The following RARA variants were observed in gnomAD, a reference collection of about 807,000 sequenced individuals.
The protein encoded by RARA is PML-DDX5-RARA fusion.
Under a neutral mutation model 42.8 loss-of-function variants are expected in RARA, and 5 were observed. That is an observed-to-expected ratio of 0.12 (90% CI 0.06 to 0.25). The LOEUF is 0.25. RARA is among the 10% of genes least tolerant of loss of function. RARA has a pLI of 1.00. For missense variants in RARA, 402 were observed against 628.7 expected (o/e 0.64, Z 3.86); for synonymous variants, 256 against 259.5 (o/e 0.99, Z 0.13).
intron 1 of RARA, among the ~76,000 whole-genome samples, chr17:40,325,916 G>A (rs1233628394): frequency 6.6e-6 from 1 of 152,198 alleles, no homozygotes; most frequent in Non-Finnish European, 1.5e-5. Context: ...CTGCTCTTCT[G>A]TCCTGAGTAT....
At chr17:40,344,796 G>T (rs1467616238) in intron 2 of RARA, among the ~76,000 whole-genome samples, 1 of 152,180 alleles carries the variant, frequency 6.6e-6, no homozygotes, top group Non-Finnish European at 1.5e-5. Flanking sequence ...GGAGTGATGG[G>T]GGTCTGGGGG....
intron 1 of RARA, among the ~76,000 whole-genome samples, chr17:40,315,624 T>G (rs1310424153): frequency 6.6e-6 from 1 of 152,094 alleles, no homozygotes; most frequent in Non-Finnish European, 1.5e-5. Context: ...TCATCATCTC[T>G]TCGGAGTATC....
intron 2 of RARA, chr17:40,342,972 T>G: frequency 6.7e-7 from 1 of 1,486,304 alleles, no homozygotes; most frequent in Non-Finnish European, 8.9e-7. Context: ...GGAGGTCCTG[T>G]CTCTACCTTT....
chr17:40,318,276 C>T (rs143494424), intron 1 of RARA: 2,302 of 152,532 alleles, frequency 0.015, 29 homozygotes, highest in Non-Finnish European at 0.023. Flanking sequence ...TTTCAGCCTC[C>T]GCACGTGACT....
In RARA at chr17:40,345,467, G is replaced by T. The variant is rs528422524; in HGVS notation, c.179-2849G>T. On this transcript the variant is annotated intron_variant, in intron 2 of 8. Transcript: ENST00000254066. This position sits in a 1 kb window ranked among gnomAD's most constrained non-coding sequence, Gnocchi z 4.8. ...ATCTCCTCCAGGAAACCGGCCCCTT[G>T]TGCGAGCCTGCGAACGGCTCGGGGG... 1.2e-4 allele frequency among the ~76,000 whole-genome samples: 18 copies of T among 152,258 alleles called. No individual in the cohort carries two copies. The highest frequency in any genetic ancestry group is 2.5e-4 in the Non-Finnish European group (17 of 68,044).
At chr17:40,338,727 AG>A (rs1384653934) in intron 2 of RARA, among the ~76,000 whole-genome samples, 12 of 149,280 alleles carry the variant, frequency 8.0e-5, no homozygotes, top group Non-Finnish European at 1.3e-4. Flanking sequence ...AAAAAAAAAA[AG>A]CGTGGGCACG....
At chr17:40,311,440 C>T (rs956561472) in intron 1 of RARA, among the ~76,000 whole-genome samples, 2 of 152,086 alleles carry the variant, frequency 1.3e-5, no homozygotes, top group Non-Finnish European at 2.9e-5. Flanking sequence ...ACCTTAATGT[C>T]AGTGTCACTG....
chr17:40,354,349 C>T lies in RARA; in HGVS notation c.855C>T (p.Thr285=), dbSNP rs377203949. 1.2e-6 allele frequency: 2 copies of T among 1,614,224 alleles called. No individual in the cohort carries two copies. The highest frequency in any genetic ancestry group is 1.7e-6 in the Non-Finnish European group (2 of 1,180,044). Residue 285 remains threonine (T), a synonymous_variant, in exon 7 of 9, where the codon ACC becomes ACT. Coordinates refer to ENST00000254066, the MANE Select transcript of RARA (RefSeq NM_000964.4). This position sits in a 1 kb window ranked among gnomAD's most constrained non-coding sequence, Gnocchi z 4.5. The part of the protein sequence containing the change: ...TRYTPEQDTM[T]FSDGLTLNRT... ...ACACGCCCGAGCAGGACACCATGAC[C>T]TTCTCGGACGGGCTGACCCTGAACC...
Position 40,356,291 on chromosome 17 carries a change from C to T in RARA, c.*65C>T. 2.0e-6 allele frequency: 3 copies of T among 1,477,258 alleles called. No individual in the cohort carries two copies. Among genetic ancestry groups the T allele is most frequent in the South Asian group, 2.4e-5 (2 of 82,744 alleles). The allele number at this position is 1,477,258 out of a possible 1,614,324, so 91.5% of individuals were successfully genotyped here. On this transcript the variant is annotated 3_prime_UTR_variant, in exon 9 of 9. Transcript: ENST00000254066. ...CGGCTTTTCTCTGCCTTTCTACCGA[C>T]CATGTGACCCCGCACCAGCCCTGCC...
At chr17:40,310,227 C>G (rs2033069592) in intron 1 of RARA, among the ~76,000 whole-genome samples, 1 of 152,190 alleles carries the variant, frequency 6.6e-6, no homozygotes, top group East Asian at 1.9e-4. Flanking sequence ...CTAGATGGCA[C>G]CTACTGTTTA....
intron 1 of RARA, among the ~76,000 whole-genome samples, chr17:40,317,438 C>T (rs1320695416): frequency 6.6e-6 from 1 of 152,178 alleles, no homozygotes; most frequent in Non-Finnish European, 1.5e-5. Flanking sequence ...AGATCCTGTC[C>T]AGCTGGAACA....
intron 2 of RARA, among the ~76,000 whole-genome samples, chr17:40,347,836 G>A (rs1156432939): frequency 2.6e-5 from 4 of 151,224 alleles, no homozygotes; most frequent in Admixed American, 6.6e-5. Context: ...AGGGGGGAGC[G>A]GAAGCAGAGG....
intron 2 of RARA, among the ~76,000 whole-genome samples, chr17:40,336,706 T>G (rs1365863437): frequency 6.9e-6 from 1 of 144,968 alleles, no homozygotes; most frequent in African/African-American, 2.6e-5. Context: ...TTTTTTTGTT[T>G]TGTTTTTGAG....
At chr17:40,331,450 C>T in intron 2 of RARA, 54 bp downstream of exon 2, 1 of 1,562,440 alleles carries the variant, frequency 6.4e-7, no homozygotes, top group Non-Finnish European at 8.7e-7. Context: ...GGTGGCAGGC[C>T]TCAGAGCTTG....
At chr17:40,330,331 C>G (rs1162006513) in intron 1 of RARA, among the ~76,000 whole-genome samples, 2 of 152,166 alleles carry the variant, frequency 1.3e-5, no homozygotes, top group Non-Finnish European at 2.9e-5. Context: ...AAATGGGCCT[C>G]CTCCCAGGGC....
At chr17:40,341,609 G>C in intron 2 of RARA, 2 of 1,356,768 alleles carry the variant, frequency 1.5e-6, no homozygotes. Context: ...TGATGTCACG[G>C]GCAGCGGTGG....
At chr17:40,334,933 G>C (rs1461124249) in intron 2 of RARA, among the ~76,000 whole-genome samples, 2 of 152,152 alleles carry the variant, frequency 1.3e-5, no homozygotes, top group Non-Finnish European at 2.9e-5. Context: ...CAGGGTGGGA[G>C]CCCTAGAGAT....
chr17:40,314,549 C>T (rs1359601290), intron 1 of RARA, among the ~76,000 whole-genome samples: 2 of 23,030 alleles, frequency 8.7e-5, no homozygotes, highest in East Asian at 9.5e-4. Flanking sequence ...GGCACTGGAG[C>T]GGGGCCTGGT....
chr17:40,355,244 G>C lies in RARA; in HGVS notation c.1013-19G>C, dbSNP rs1208772402. The C allele has an allele frequency of 2.6e-6, 4 of 1,553,488 alleles. No individual in the cohort carries two copies. Among genetic ancestry groups the C allele is most frequent in the Non-Finnish European group, 3.5e-6 (4 of 1,147,784 alleles). On this transcript the variant is annotated intron_variant, in intron 7 of 8. Coordinates refer to ENST00000254066, the MANE Select transcript of RARA (RefSeq NM_000964.4). This position sits in a 1 kb window ranked among gnomAD's most constrained non-coding sequence, Gnocchi z 4.1. ...CAGCTGTGTTCCCAGCTGCTCAGGG[G>C]GTGGTTCTGCTTCCTCAGACCGCCA...
Sources: allele counts gnomAD v4.1 joint callset (sites outside exome capture counted in the v4.1 genomes callset), GRCh38; gene constraint gnomAD v4.1.1; non-coding constraint Gnocchi (gnomAD v3.1); transcripts MANE v1.5; gene names NCBI Gene and HGNC (gene_info 2026-07-23, HGNC 2026-07-21).